CNTN5: variants seen among roughly 807,000 people sequenced by gnomAD.
CNTN5 encodes contactin 5, also known as contactin-5.
A neutral mutation model predicts 129.1 loss-of-function variants in CNTN5; 77 were observed. The ratio of observed to expected loss-of-function variants is 0.60; its 90% CI spans 0.50 to 0.72. The LOEUF (loss-of-function observed/expected upper bound fraction) is 0.72, where lower values mean the gene tolerates loss of function less well. Ranked by LOEUF, CNTN5 falls within the 30% of genes least tolerant of loss-of-function variation. The probability of loss-of-function intolerance (pLI) is 0.00; values close to 1 mark genes in which losing one functional copy is unlikely to be tolerated. For synonymous variants in CNTN5, 509 were observed against 465.6 expected (o/e 1.09, Z -1.20); for missense variants, 1,478 against 1,328.8 (o/e 1.11, Z -1.75).
rs148947223 is a variant in CNTN5, at chr11:100,292,876, G to A, written c.2315-4749G>A. Among the ~76,000 whole-genome samples, 46 of 152,006 alleles carry A rather than the reference G, an allele frequency of 3.0e-4. 1 individual carries two copies. The East Asian group carries it at 8.7e-3, about 29-fold the overall frequency. ...CTCATTCCAAGTTCAGAAAACAGTC[G>A]TTTAATGTCCTCTTACAATTTCTTA... On this transcript the variant is annotated intron_variant, in intron 18 of 24. Transcript: ENST00000524871.
intron 18 of CNTN5, 25 bp downstream of exon 18, chr11:100,271,266 G>A: frequency 6.4e-7 from 1 of 1,567,664 alleles, no homozygotes; most frequent in Non-Finnish European, 8.6e-7. Context: ...GAGTCAGATT[G>A]GATTTGGTAT....
chr11:99,546,016 A>G (rs1025413129), intron 2 of CNTN5, among the ~76,000 whole-genome samples: 1 of 152,192 alleles, frequency 6.6e-6, no homozygotes, highest in African/African-American at 2.4e-5. Flanking sequence ...GAAATGAAAA[A>G]GTCAGCATGA....
chr11:100,034,839 A>G (rs575963759), intron 9 of CNTN5, among the ~76,000 whole-genome samples: 3 of 152,212 alleles, frequency 2.0e-5, no homozygotes, highest in Non-Finnish European at 4.4e-5. Flanking sequence ...CAACGTTTTC[A>G]GTAACTTTCA....
chr11:99,756,703 A>G (rs1250600557), intron 3 of CNTN5, among the ~76,000 whole-genome samples: 1 of 152,040 alleles, frequency 6.6e-6, no homozygotes, highest in Non-Finnish European at 1.5e-5. Flanking sequence ...ACAATTTTGC[A>G]GATCTTATAG....
chr11:100,018,360 C>T (rs1366971790), intron 9 of CNTN5, among the ~76,000 whole-genome samples: 1 of 151,968 alleles, frequency 6.6e-6, no homozygotes, highest in African/African-American at 2.4e-5. Flanking sequence ...TGTTTTGTCA[C>T]TATAGACTAC....
intron 1 of CNTN5, among the ~76,000 whole-genome samples, chr11:99,172,635 A>G (rs1861198947): frequency 6.6e-6 from 1 of 152,200 alleles, no homozygotes; most frequent in Admixed American, 6.5e-5. Flanking sequence ...TGAAGTAACC[A>G]AGTAGAGAAT....
chr11:99,524,444 T>C (rs1947407272), intron 2 of CNTN5, among the ~76,000 whole-genome samples: 1 of 152,206 alleles, frequency 6.6e-6, no homozygotes, highest in Non-Finnish European at 1.5e-5. Context: ...CAACTATTTG[T>C]GACAAATCAC....
intron 3 of CNTN5, among the ~76,000 whole-genome samples, chr11:99,572,725 T>C (rs1476294194): frequency 1.3e-5 from 2 of 148,530 alleles, no homozygotes; most frequent in Non-Finnish European, 3.0e-5. Flanking sequence ...TAGTTAAAAG[T>C]TTTATTTTAT....
chr11:99,450,077 A>G (rs563979234), intron 2 of CNTN5, among the ~76,000 whole-genome samples: 34 of 152,250 alleles, frequency 2.2e-4, no homozygotes, highest in South Asian at 2.1e-3. Context: ...ATTTAATATT[A>G]GGCCAGTTAC....
intron 1 of CNTN5, among the ~76,000 whole-genome samples, chr11:99,231,472 C>G (rs1271531966): frequency 6.6e-6 from 1 of 152,060 alleles, no homozygotes; most frequent in Non-Finnish European, 1.5e-5. Flanking sequence ...TGTCCGTGTC[C>G]TTTGCCCACT....
rs184824944 is a variant in CNTN5, at chr11:99,583,530, G to A, written c.55+27261G>A. Among the ~76,000 whole-genome samples, 234 of 152,320 alleles carry A rather than the reference G, an allele frequency of 1.5e-3. 1 individual carries two copies. The highest frequency in any genetic ancestry group is 5.1e-3 in the African/African-American group (212 of 41,578). ...TACTCAAGCCTGAGCAATGGTGGGT[G>A]CCCCTCCCCCAGCCTCGCTGCCTCC... On this transcript the variant is annotated intron_variant, in intron 3 of 24. Coordinates refer to ENST00000524871, the MANE Select transcript of CNTN5 (RefSeq NM_014361.4).
In CNTN5 at chr11:99,956,783, G is replaced by C. The variant is rs1156698147; in HGVS notation, c.674-23G>C. 3 of 1,602,098 alleles carry C rather than the reference G, an allele frequency of 1.9e-6. No individual in the cohort carries two copies. The African/African-American group carries it at 4.0e-5, about 22-fold the overall frequency. On this transcript the variant is annotated intron_variant, in intron 7 of 24. Transcript: ENST00000524871. ...AATGAAAAAATCAAAGTCTTTCGTT[G>C]ACCAAATTTTGTGTATTTTCAGAGA...
At chr11:99,724,609 C>T (rs1943277087) in intron 3 of CNTN5, among the ~76,000 whole-genome samples, 1 of 152,142 alleles carries the variant, frequency 6.6e-6, no homozygotes, top group Non-Finnish European at 1.5e-5. Context: ...TTGTCAAAGT[C>T]ACACAGTTAG....
chr11:100,087,801 A>G (rs1229322771), intron 13 of CNTN5, among the ~76,000 whole-genome samples: 2 of 151,954 alleles, frequency 1.3e-5, no homozygotes, highest in Non-Finnish European at 2.9e-5. Context: ...TACTCTACCC[A>G]TTGACCACAC....
intron 15 of CNTN5, among the ~76,000 whole-genome samples, chr11:100,208,529 A>C (rs538665902): frequency 6.6e-6 from 1 of 152,316 alleles, no homozygotes; most frequent in East Asian, 1.9e-4. Flanking sequence ...GAACTTGCTC[A>C]AAGAAACTTA....
At chr11:99,298,329 G>A (rs1449699960) in intron 1 of CNTN5, among the ~76,000 whole-genome samples, 3 of 152,242 alleles carry the variant, frequency 2.0e-5, no homozygotes, top group Non-Finnish European at 2.9e-5. Flanking sequence ...ATGACATACA[G>A]GAATAGGAAG....
chr11:99,358,271 T>TTTTTTATTTTTTTTTTTA (rs1565518506), intron 2 of CNTN5, among the ~76,000 whole-genome samples: 1 of 129,440 alleles, frequency 7.7e-6, no homozygotes, highest in African/African-American at 2.8e-5. Context: ...TTTTTTTTTT[T>TTTTTTATTTTTTTTTTTA]TTTTAGTAGA....
chr11:99,783,921 GTAAC>G (rs1284950489), intron 3 of CNTN5, among the ~76,000 whole-genome samples: 9 of 151,794 alleles, frequency 5.9e-5, no homozygotes, highest in Admixed American at 1.3e-4. Flanking sequence ...GTATACATAT[GTAAC>G]TAACCTGCAC....
At chr11:100,061,494 C>A (rs1398027099) in intron 10 of CNTN5, 101 bp downstream of exon 10, 2 of 821,386 alleles carry the variant, frequency 2.4e-6, no homozygotes, top group Admixed American at 5.8e-5. Context: ...ACATAAAAAC[C>A]AAGTAATAAT....
Sources: gnomAD v4.1 joint callset for allele counts (sites outside exome capture counted in the v4.1 genomes callset) on GRCh38, gnomAD v4.1.1 for gene constraint, MANE v1.5 for transcripts, NCBI Gene and HGNC (gene_info 2026-07-23, HGNC 2026-07-21) for gene names.